LARGE1: variants seen among roughly 807,000 people sequenced by gnomAD.
LARGE1 encodes xylosyl- and glucuronyltransferase LARGE1.
Under a neutral mutation model 87.6 loss-of-function variants are expected in LARGE1, and 43 were observed. The ratio of observed to expected loss-of-function variants is 0.49; its 90% CI spans 0.38 to 0.63. LARGE1 has a LOEUF of 0.63. LARGE1 is among the 30% of genes least tolerant of loss of function. The pLI is 0.00. For missense variants in LARGE1, 802 were observed against 1,000.2 expected, an observed-to-expected ratio of 0.80 and a Z score of 2.67; for synonymous variants, 434 against 394.6, an observed-to-expected ratio of 1.10 and a Z score of -1.18.
chr22:33,156,908 C>T, the LARGE1 span, among the ~76,000 whole-genome samples: 1 of 152,084 alleles, frequency 6.6e-6, no homozygotes, highest in Non-Finnish European at 1.5e-5. Flanking sequence ...ATCATGATAT[C>T]AAATAAGTCT....
chr22:33,713,602 T>C (rs982862897), intron 2 of LARGE1, among the ~76,000 whole-genome samples: 2 of 152,084 alleles, frequency 1.3e-5, no homozygotes, highest in South Asian at 2.1e-4. Context: ...ACTTTCTTAA[T>C]GCATAAATGA....
At chr22:33,815,556 T>C (rs1440551564) in intron 1 of LARGE1, among the ~76,000 whole-genome samples, 1 of 152,216 alleles carries the variant, frequency 6.6e-6, no homozygotes, top group Non-Finnish European at 1.5e-5. Flanking sequence ...TGGTGGCTTC[T>C]ACAACCAGAA....
intron 6 of LARGE1, among the ~76,000 whole-genome samples, chr22:33,462,387 G>T (rs1197529696): frequency 6.6e-6 from 1 of 152,048 alleles, no homozygotes; most frequent in Non-Finnish European, 1.5e-5. Flanking sequence ...AATTTTAAAA[G>T]ATATACTTCA....
At chr22:33,203,968 G>T (rs1446827242) in intron 11 of LARGE1, among the ~76,000 whole-genome samples, 2 of 152,208 alleles carry the variant, frequency 1.3e-5, no homozygotes, top group South Asian at 2.1e-4. Flanking sequence ...GCCCTGGAGT[G>T]TGACTGAACT....
chr22:33,595,131 T>C (rs1251916160), intron 5 of LARGE1, among the ~76,000 whole-genome samples: 1 of 152,158 alleles, frequency 6.6e-6, no homozygotes, highest in East Asian at 1.9e-4. Flanking sequence ...AGAATGAAAG[T>C]AGGTATATGA....
intron 6 of LARGE1, among the ~76,000 whole-genome samples, chr22:33,478,596 T>C (rs1463041498): frequency 6.6e-6 from 1 of 152,228 alleles, no homozygotes; most frequent in Non-Finnish European, 1.5e-5. Flanking sequence ...CTTTTGCTAT[T>C]TGCTACCTGT....
intron 1 of LARGE1, among the ~76,000 whole-genome samples, chr22:33,868,206 T>C (rs756839963): frequency 1.3e-5 from 2 of 152,126 alleles, no homozygotes. Context: ...TGCATGGGTG[T>C]GTGGGAACAG....
intron 11 of LARGE1, among the ~76,000 whole-genome samples, chr22:33,182,437 G>A (rs540228394): frequency 2.6e-5 from 4 of 152,152 alleles, no homozygotes; most frequent in African/African-American, 7.2e-5. Context: ...ATGTGTTCAT[G>A]ATTGATTTTC....
chr22:33,342,030 G>A (rs1281778678), intron 9 of LARGE1, among the ~76,000 whole-genome samples: 11 of 152,158 alleles, frequency 7.2e-5, no homozygotes, highest in Admixed American at 7.2e-4. Context: ...TTTCAGGGAC[G>A]TATGAGTGTG....
At chr22:33,368,432 G>A (rs1261190120) in intron 9 of LARGE1, among the ~76,000 whole-genome samples, 1 of 151,232 alleles carries the variant, frequency 6.6e-6, no homozygotes, top group Non-Finnish European at 1.5e-5. Context: ...TACTTGCGAG[G>A]CTGAGGCAGG....
intron 2 of LARGE1, among the ~76,000 whole-genome samples, chr22:33,708,820 C>G (rs139480722): frequency 1.6e-3 from 241 of 152,242 alleles, no homozygotes; most frequent in Non-Finnish European, 2.9e-3. Flanking sequence ...AGGCTGGTCT[C>G]GAACTCCTGA....
intron 1 of LARGE1, among the ~76,000 whole-genome samples, chr22:33,804,196 G>A (rs1185468642): frequency 1.3e-5 from 2 of 152,156 alleles, no homozygotes; most frequent in African/African-American, 4.8e-5. Context: ...CACTAATGCT[G>A]CCTTTGTTGA....
chr22:33,911,969 T>C (rs1385874768), intron 1 of LARGE1, among the ~76,000 whole-genome samples: 1 of 152,168 alleles, frequency 6.6e-6, no homozygotes, highest in Non-Finnish European at 1.5e-5. Context: ...AACATGACCA[T>C]TCATTCACAA....
chr22:33,142,522 C>G, the LARGE1 span, among the ~76,000 whole-genome samples: 4,271 of 152,158 alleles, frequency 0.028, 202 homozygotes, highest in African/African-American at 0.098. Context: ...AGTCAGTAAC[C>G]TCTGCTGCCA....
the LARGE1 span, among the ~76,000 whole-genome samples, chr22:33,068,743 T>G: frequency 1.1e-4 from 16 of 152,328 alleles, no homozygotes; most frequent in East Asian, 2.9e-3. Context: ...TCTCTGCTCA[T>G]TCATTCATTG....
intron 2 of LARGE1, among the ~76,000 whole-genome samples, chr22:33,698,746 A>G (rs1192327119): frequency 1.3e-5 from 2 of 152,142 alleles, no homozygotes; most frequent in African/African-American, 4.8e-5. Context: ...CCAACAAGAC[A>G]AGCACACTCC....
intron 2 of LARGE1, among the ~76,000 whole-genome samples, chr22:33,680,422 A>G (rs5754637): frequency 4.3e-4 from 64 of 148,880 alleles, no homozygotes; most frequent in Non-Finnish European, 6.3e-4. Flanking sequence ...ATCTCACTCT[A>G]TCCATATCAA....
chr22:33,075,813 A>T, the LARGE1 span, among the ~76,000 whole-genome samples: 6 of 152,286 alleles, frequency 3.9e-5, no homozygotes, highest in South Asian at 1.2e-3. Context: ...ATTGAATAGG[A>T]TTAGAGAAAC....
chr22:33,711,256 C>T (rs1048280767), intron 2 of LARGE1, among the ~76,000 whole-genome samples: 6 of 152,138 alleles, frequency 3.9e-5, no homozygotes, highest in Non-Finnish European at 5.9e-5. Context: ...CCTGCTGGAG[C>T]GAAGCGTCCA....
Sources: gnomAD v4.1 joint callset for allele counts (sites outside exome capture counted in the v4.1 genomes callset) on GRCh38, gnomAD v4.1.1 for gene constraint, MANE v1.5 for transcripts, NCBI Gene and HGNC (gene_info 2026-07-23, HGNC 2026-07-21) for gene names.